ZNF644: variants seen among roughly 807,000 people sequenced by gnomAD.
The protein encoded by ZNF644 is zinc finger protein 644, also known as zinc finger motif enhancer binding protein 2.
ZNF644 carries 20 observed loss-of-function variants against 108.0 expected under a neutral mutation model. That is an observed-to-expected ratio of 0.19 (90% CI 0.13 to 0.27). The LOEUF (loss-of-function observed/expected upper bound fraction) is 0.27, where lower values mean the gene tolerates loss of function less well. ZNF644 is among the 10% of genes least tolerant of loss of function. The pLI is 1.00. For missense variants in ZNF644, 1,338 were observed against 1,548.9 expected (o/e 0.86, Z 2.29); for synonymous variants, 542 against 539.1 (o/e 1.01, Z -0.08).
intron 2 of ZNF644, among the ~76,000 whole-genome samples, chr1:90,970,960 A>C (rs1266751041): frequency 7.1e-6 from 1 of 140,272 alleles, no homozygotes; most frequent in Non-Finnish European, 1.5e-5. Context: ...AGATCACACC[A>C]CTGCACTCCA....
intron 4 of ZNF644, among the ~76,000 whole-genome samples, chr1:90,930,972 T>C (rs1206127375): frequency 6.6e-6 from 1 of 152,178 alleles, no homozygotes; most frequent in Non-Finnish European, 1.5e-5. Context: ...GCAGATTAGG[T>C]TGATAGAATA....
rs114782630 is a variant in ZNF644 at position 91,012,470 on chromosome 1, C to T, written c.-18+9520G>A. ...TCCAGCTAGGGTGACAGACTGAGAC[C>T]CTGTCTCAAAAGAAAAAAAAAGGAA... On this transcript the variant is annotated intron_variant, in intron 1 of 5. Transcript: ENST00000337393. 2.9e-3 allele frequency among the ~76,000 whole-genome samples: 432 copies of T among 151,202 alleles called. 3 individuals are homozygous for T. The highest frequency in any genetic ancestry group is 0.01 in the African/African-American group (420 of 41,164).
intron 2 of ZNF644, among the ~76,000 whole-genome samples, chr1:90,943,486 CTTATT>C (rs1282192487): frequency 1.3e-5 from 2 of 152,082 alleles, no homozygotes; most frequent in African/African-American, 2.4e-5. Context: ...TTATATTTTT[CTTATT>C]TTATAACTTA....
chr1:90,939,427 A>C lies in ZNF644; in HGVS notation c.1927T>G (p.Leu643Val). ...AATGTGGTTGACTGTTGTTTAGTTA[A>C]TGTTTTAGTGCTATCACTATCTACA... ...EPVDSDSTKT[L>V]TKQQSTTFPK... Residue 643 changes from leucine to valine, a missense_variant, in exon 3 of 6, where the codon TTA (leucine) becomes GTA (valine). By Grantham distance (32) the Leu-to-Val change is conservative. This residue lies in a region of ZNF644 where 462 missense variants were observed against 472.6 expected (regional missense o/e 0.98). Transcript: ENST00000337393. The C allele has an allele frequency of 1.2e-6, 2 of 1,613,928 alleles. No homozygotes were observed. Among genetic ancestry groups the C allele is most frequent in the Non-Finnish European group, 1.7e-6 (2 of 1,179,928 alleles).
intron 1 of ZNF644, among the ~76,000 whole-genome samples, chr1:90,989,912 C>A (rs751259075): frequency 3.9e-5 from 6 of 152,148 alleles, no homozygotes; most frequent in Non-Finnish European, 7.4e-5. Context: ...AAGGAAGAAA[C>A]CCACTGTCCA....
At chr1:90,958,173 T>C (rs945005811) in intron 2 of ZNF644, among the ~76,000 whole-genome samples, 1 of 144,372 alleles carries the variant, frequency 6.9e-6, no homozygotes, top group Non-Finnish European at 1.5e-5. Flanking sequence ...GAGGCTGAGG[T>C]TGCAGTAAGC....
intron 4 of ZNF644, among the ~76,000 whole-genome samples, chr1:90,930,983 T>C (rs1247731966): frequency 6.6e-6 from 1 of 152,220 alleles, no homozygotes; most frequent in East Asian, 1.9e-4. Flanking sequence ...TGATAGAATA[T>C]GCTTTACCTT....
At chr1:90,931,466 T>C (rs1459106604) in intron 4 of ZNF644, among the ~76,000 whole-genome samples, 1 of 151,888 alleles carries the variant, frequency 6.6e-6, no homozygotes, top group Non-Finnish European at 1.5e-5. Context: ...ATATAGGATA[T>C]AAAATAAACC....
At chr1:90,984,621 G>A (rs1431529338) in intron 1 of ZNF644, among the ~76,000 whole-genome samples, 1 of 152,130 alleles carries the variant, frequency 6.6e-6, no homozygotes, top group Admixed American at 6.5e-5. Flanking sequence ...TCGAACTCCT[G>A]ACCTCAAGTG....
At chr1:90,980,801 G>A (rs2101469546) in intron 2 of ZNF644, among the ~76,000 whole-genome samples, 1 of 152,222 alleles carries the variant, frequency 6.6e-6, no homozygotes, top group East Asian at 1.9e-4. Context: ...TACTTCAGGG[G>A]AAAAGGCTAT....
Position 90,916,978 on chromosome 1 carries a change from T to C in ZNF644, c.3804A>G (p.Leu1268=). ...VYILRCRFCG[L]VFRGPLSVQE... is the part of the protein sequence containing the mutation. ...GAACAGACAAGGGTCCTCGAAAGAC[T>C]AGGCCACAAAACCTACAGAAAGATA... Residue 1268 remains leucine (L), a synonymous_variant, in exon 6 of 6, where the codon CTA becomes CTG. Transcript: ENST00000337393. 2 of 1,614,224 alleles carry C rather than the reference T, an allele frequency of 1.2e-6. No individual in the cohort carries two copies. Among genetic ancestry groups the C allele is most frequent in the Non-Finnish European group, 1.7e-6 (2 of 1,180,034 alleles).
chr1:90,919,658 G>A (rs1649199652), intron 4 of ZNF644, among the ~76,000 whole-genome samples: 1 of 151,980 alleles, frequency 6.6e-6, no homozygotes, highest in African/African-American at 2.4e-5. Context: ...ATTAAAGAAT[G>A]GGTAATTCAA....
At chr1:90,923,623 GTACCCTAAATAACTTTCATTAATTTT>G (rs1347889989) in intron 4 of ZNF644, among the ~76,000 whole-genome samples, 1 of 151,796 alleles carries the variant, frequency 6.6e-6, no homozygotes, top group East Asian at 1.9e-4. Context: ...TAATTTTTTA[GTACCCTAAATAACTTTCATTAATTTT>G]TAGAGTTTCC....
chr1:90,958,962 C>T (rs554225398), intron 2 of ZNF644, among the ~76,000 whole-genome samples: 2 of 137,084 alleles, frequency 1.5e-5, no homozygotes, highest in East Asian at 4.1e-4. Context: ...AAACAAAAAA[C>T]AGAAATTGAA....
chr1:90,929,553 A>G (rs962473717), intron 4 of ZNF644, among the ~76,000 whole-genome samples: 2 of 152,234 alleles, frequency 1.3e-5, no homozygotes, highest in African/African-American at 2.4e-5. Flanking sequence ...AACATGCAAT[A>G]CTATATTATT....
At chr1:90,946,366 A>G (rs1464393500) in intron 2 of ZNF644, among the ~76,000 whole-genome samples, 1 of 152,090 alleles carries the variant, frequency 6.6e-6, no homozygotes, top group African/African-American at 2.4e-5. Flanking sequence ...AAATAATAAA[A>G]TGGTTCAGAA....
intron 1 of ZNF644, among the ~76,000 whole-genome samples, chr1:90,989,397 A>C (rs1251150912): frequency 4.0e-5 from 6 of 151,808 alleles, no homozygotes; most frequent in Non-Finnish European, 7.4e-5. Flanking sequence ...AAAAAAAATA[A>C]ATAGGTGTGG....
At chr1:90,960,174 G>A (rs1242478630) in intron 2 of ZNF644, among the ~76,000 whole-genome samples, 11 of 152,026 alleles carry the variant, frequency 7.2e-5, no homozygotes, top group East Asian at 5.8e-4. Context: ...GCTGTAAGCC[G>A]TTTCCTTTAC....
intron 2 of ZNF644, among the ~76,000 whole-genome samples, chr1:90,950,571 A>T (rs539472360): frequency 8.6e-5 from 13 of 152,024 alleles, no homozygotes; most frequent in African/African-American, 3.1e-4. Flanking sequence ...GGCACACAAC[A>T]AAATGGCTAT....
Sources: allele counts gnomAD v4.1 joint callset (sites outside exome capture counted in the v4.1 genomes callset), GRCh38; gene constraint gnomAD v4.1.1; regional missense constraint gnomAD v4.1.1; transcripts MANE v1.5; gene names NCBI Gene and HGNC (gene_info 2026-07-23, HGNC 2026-07-21).